Variants in CPNE4 observed in about 807,000 individuals in gnomAD.
CPNE4 encodes the protein copine 4.
In CPNE4, 25 loss-of-function variants were observed where a neutral mutation model predicts 67.9. The ratio of observed to expected loss-of-function variants is 0.37; its 90% CI spans 0.27 to 0.51. CPNE4 has a LOEUF of 0.51. Among genes scored for constraint, CPNE4 ranks in the 20% least tolerant of loss-of-function variants. The pLI is 0.93. For missense variants in CPNE4, 464 were observed against 690.8 expected (o/e 0.67, Z 3.68); for synonymous variants, 242 against 244.9 (o/e 0.99, Z 0.11).
In CPNE4 at chr3:131,906,752, C is replaced by A. The variant is rs995848844; in HGVS notation, c.-1-1308G>T. Among the ~76,000 whole-genome samples the A allele has an allele frequency of 4.6e-5, 7 of 151,768 alleles. No homozygotes were observed. In the South Asian group the frequency reaches 1.3e-3, roughly 27 times the overall value. On this transcript the variant is annotated intron_variant, in intron 1 of 15. Coordinates refer to ENST00000429747, the MANE Select transcript of CPNE4 (RefSeq NM_130808.3). ...CTTTATAGCAGCATGATTTATAGTC[C>A]TTTGGGTATATACCCAGTAATGGGA...
chr3:131,607,999 A>G (rs1939605725), intron 7 of CPNE4, among the ~76,000 whole-genome samples: 3 of 152,206 alleles, frequency 2.0e-5, no homozygotes, highest in Admixed American at 1.3e-4. Context: ...TACATTGTCA[A>G]TAATTGTTAA....
At position 131,753,499 on chromosome 3, in the gene CPNE4, A is replaced by G. The variant is rs149399660; in HGVS notation, c.181-29874T>C. ...AAGTCGACAGACAAATGATACATGT[A>G]GAAGAAATTTAGGTACAAGACAATT... On this transcript the variant is annotated intron_variant, in intron 2 of 15. Coordinates refer to ENST00000429747, the MANE Select transcript of CPNE4 (RefSeq NM_130808.3). Among the ~76,000 whole-genome samples the G allele has an allele frequency of 3.3e-3, 504 of 152,286 alleles. 3 individuals carry two copies. Among genetic ancestry groups the G allele is most frequent in the African/African-American group, 0.012 (486 of 41,584 alleles).
At chr3:131,657,991 G>T (rs1268802717) in intron 7 of CPNE4, among the ~76,000 whole-genome samples, 1 of 152,044 alleles carries the variant, frequency 6.6e-6, no homozygotes, top group Non-Finnish European at 1.5e-5. Context: ...CCCTTGCCTT[G>T]ATTTTTCTAT....
intron 2 of CPNE4, among the ~76,000 whole-genome samples, chr3:131,861,533 C>T (rs559575599): frequency 2.5e-4 from 38 of 151,976 alleles, no homozygotes; most frequent in Middle Eastern, 3.4e-3. Flanking sequence ...CGGGTTCAAG[C>T]GGTTCTCCTG....
intron 7 of CPNE4, chr3:131,620,492 CGGCTGATG>C: frequency 1.0e-6 from 1 of 983,982 alleles, no homozygotes; most frequent in Non-Finnish European, 1.2e-6. Flanking sequence ...AGTGAAGACA[CGGCTGATG>C]GTAGGCAGAA....
At chr3:132,001,554 AG>A (rs1424753664) in intron 1 of CPNE4, among the ~76,000 whole-genome samples, 13 of 11,766 alleles carry the variant, frequency 1.1e-3, no homozygotes, top group African/African-American at 3.5e-3. Flanking sequence ...AAGAAAAAAG[AG>A]AAAGAAAGAA....
chr3:132,027,591 C>T (rs1022744182), intron 1 of CPNE4, among the ~76,000 whole-genome samples: 7 of 152,126 alleles, frequency 4.6e-5, no homozygotes, highest in Admixed American at 1.3e-4. Context: ...ACAATGGCTT[C>T]TCGGGAGCTC....
rs148529138 is a variant in CPNE4, at chr3:131,683,497, G to T, written c.591+2378C>A. Among the ~76,000 whole-genome samples the T allele has an allele frequency of 7.7e-4, 118 of 152,292 alleles. No homozygotes were observed. In the Middle Eastern group the frequency reaches 0.01, roughly 13 times the overall value. ...CTATTGTGGCTGAGATGGTATCCAA[G>T]TTGCAAGACAAAGTTATATTTATGC... is the stretch of plus-strand genomic sequence containing the variant. On this transcript the variant is annotated intron_variant, in intron 6 of 15. Coordinates refer to ENST00000429747, the MANE Select transcript of CPNE4 (RefSeq NM_130808.3).
intron 2 of CPNE4, among the ~76,000 whole-genome samples, chr3:131,766,391 G>A (rs1204389700): frequency 6.6e-6 from 1 of 152,160 alleles, no homozygotes. Context: ...AAAACACTGA[G>A]AGGCTTAGTC....
At chr3:131,869,172 T>C (rs1221420301) in intron 2 of CPNE4, among the ~76,000 whole-genome samples, 1 of 152,074 alleles carries the variant, frequency 6.6e-6, no homozygotes, top group Non-Finnish European at 1.5e-5. Context: ...TTTTTGTCTG[T>C]TTTCATTTTT....
intron 7 of CPNE4, among the ~76,000 whole-genome samples, chr3:131,642,377 C>T (rs2079562131): frequency 6.6e-6 from 1 of 152,162 alleles, no homozygotes; most frequent in Non-Finnish European, 1.5e-5. Flanking sequence ...CTCTTTTTTT[C>T]AGCCAGGCCC....
At chr3:131,570,600 C>A (rs1188242062) in intron 10 of CPNE4, among the ~76,000 whole-genome samples, 2 of 152,066 alleles carry the variant, frequency 1.3e-5, no homozygotes, top group African/African-American at 4.8e-5. Context: ...CCCAATCTCT[C>A]ACCCTGTGGT....
chr3:131,725,748 T>C (rs1205814659), intron 2 of CPNE4, among the ~76,000 whole-genome samples: 1 of 152,244 alleles, frequency 6.6e-6, no homozygotes, highest in Non-Finnish European at 1.5e-5. Flanking sequence ...CCCTTCATTT[T>C]CCCACTTAAT....
intron 1 of CPNE4, among the ~76,000 whole-genome samples, chr3:132,015,022 G>A (rs368612580): frequency 4.6e-5 from 7 of 152,000 alleles, no homozygotes; most frequent in African/African-American, 1.7e-4. Flanking sequence ...GATTTATTCT[G>A]CTGCTCAAAT....
intron 2 of CPNE4, among the ~76,000 whole-genome samples, chr3:131,830,068 T>G (rs1384403210): frequency 6.6e-6 from 1 of 152,180 alleles, no homozygotes; most frequent in African/African-American, 2.4e-5. Context: ...TTAACCTTTT[T>G]GAGCTTAGAA....
At chr3:131,961,797 T>G (rs2072189329) in intron 1 of CPNE4, among the ~76,000 whole-genome samples, 2 of 152,144 alleles carry the variant, frequency 1.3e-5, no homozygotes, top group Non-Finnish European at 2.9e-5. Flanking sequence ...AGAGACAACA[T>G]AGGTGACATC....
chr3:131,989,910 G>A lies in CPNE4; in HGVS notation c.-2+44657C>T, dbSNP rs1186890563. The stretch of plus-strand genomic sequence containing the variant: ...GAAGGGCCCAGAATTCTGGACTAAA[G>A]AGGCTTAAATGTAACGCATGGGCTC... On this transcript the variant is annotated intron_variant, in intron 1 of 15. Coordinates refer to ENST00000429747, the MANE Select transcript of CPNE4 (RefSeq NM_130808.3). 1.5e-5 allele frequency among the ~76,000 whole-genome samples: 2 copies of A among 136,102 alleles called. 1 individual carries two copies. The highest frequency in any genetic ancestry group is 3.3e-5 in the Non-Finnish European group (2 of 60,040). The allele number at this position is 136,102 out of a possible 152,430, so 89.3% of individuals were successfully genotyped here.
intron 7 of CPNE4, among the ~76,000 whole-genome samples, chr3:131,646,594 T>C (rs532901237): frequency 5.3e-5 from 8 of 152,246 alleles, no homozygotes; most frequent in African/African-American, 7.2e-5. Flanking sequence ...AAGAGTGTAA[T>C]TGGATTGTTT....
chr3:131,592,303 G>C lies in CPNE4; in HGVS notation c.682-4721C>G, dbSNP rs578224261. Among the ~76,000 whole-genome samples the C allele has an allele frequency of 2.0e-5, 3 of 152,152 alleles. No homozygotes were observed. The South Asian group carries it at 6.2e-4, about 32-fold the overall frequency. The stretch of plus-strand genomic sequence containing the variant: ...CTTATTTTACAGATGAGGAAACTGA[G>C]GCACAGAAAGATGAAGGAACTTTCC... On this transcript the variant is annotated intron_variant, in intron 7 of 15. Transcript: ENST00000429747.
Sources: allele counts gnomAD v4.1 joint callset (sites outside exome capture counted in the v4.1 genomes callset), GRCh38; gene constraint gnomAD v4.1.1; transcripts MANE v1.5; gene names NCBI Gene and HGNC (gene_info 2026-07-23, HGNC 2026-07-21).